The following ABL1 variants were observed in gnomAD, a reference collection of about 807,000 sequenced individuals.
ABL1 encodes the protein tyrosine-protein kinase ABL1.
In ABL1, 11 loss-of-function variants were observed where a neutral mutation model predicts 94.7. That is an observed-to-expected ratio of 0.12 (90% CI 0.07 to 0.19). The LOEUF (loss-of-function observed/expected upper bound fraction) is 0.19. Ranked by LOEUF, ABL1 falls within the 10% of genes least tolerant of loss-of-function variation. The probability of loss-of-function intolerance (pLI) is 1.00; values close to 1 mark genes in which losing one functional copy is unlikely to be tolerated. For synonymous variants in ABL1, 656 were observed against 622.4 expected (o/e 1.05, Z -0.80); for missense variants, 1,082 against 1,489.4 (o/e 0.73, Z 4.50).
intron 1 of ABL1, among the ~76,000 whole-genome samples, chr9:130,811,911 C>CAAA (rs1203330162): frequency 0.027 from 497 of 18,548 alleles, 44 homozygotes; most frequent in Admixed American, 0.049. Context: ...GACTCCGTCT[C>CAAA]AAAAAAAAAA....
At chr9:130,735,302 A>G (rs1178722642) in intron 1 of ABL1, among the ~76,000 whole-genome samples, 1 of 152,118 alleles carries the variant, frequency 6.6e-6, no homozygotes, top group Admixed American at 6.6e-5. Flanking sequence ...AGTGCTGGGA[A>G]TACAGGTATG....
rs10607745 is a variant in ABL1, at chr9:130,796,920, CAA to C, written c.137-57124_137-57123del. On this transcript the variant is annotated intron_variant, in intron 1 of 10. Transcript: ENST00000372348. ...GGGCAACAAGAGCGAAACTTCATCTCAAAAAAAAAAAAAAAAAAAAAGGCACT... is the reference window on the plus strand; with the variant it reads ...GGGCAACAAGAGCGAAACTTCATCTCAAAAAAAAAAAAAAAAAAAGGCACT... Among the ~76,000 whole-genome samples, 489 of 60,732 alleles carry C rather than the reference CAA, an allele frequency of 8.1e-3. 5 individuals are homozygous for C. Among genetic ancestry groups the C allele is most frequent in the Middle Eastern group, 0.041 (3 of 74 alleles). The allele number at this position is 60,732 out of a possible 152,430, so 39.8% of individuals were successfully genotyped here. A position where few individuals can be genotyped will look rare whatever the true frequency, so the allele number is the denominator to read the frequency against.
rs144604223 is a variant in ABL1 at position 130,885,820 on chromosome 9, G to C, written c.*137G>C. 3.1e-4 allele frequency: 374 copies of C among 1,214,510 alleles called. 1 individual carries two copies. The African/African-American group carries it at 5.4e-3, about 18-fold the overall frequency. The allele number at this position is 1,214,510 out of a possible 1,614,324, so 75.2% of individuals were successfully genotyped here. On this transcript the variant is annotated 3_prime_UTR_variant, in exon 11 of 11. Transcript: ENST00000318560. ...CAGGAGCTCTGCGCCAGGCAGAGCT[G>C]AGGGCCCTGTGGAGTCCAGCTCTAC...
chr9:130,743,606 T>G (rs185450949), intron 1 of ABL1, among the ~76,000 whole-genome samples: 63 of 152,150 alleles, frequency 4.1e-4, no homozygotes, highest in Non-Finnish European at 8.4e-4. Context: ...GCAGAAGTAT[T>G]TTTATTACTT....
intron 1 of ABL1, among the ~76,000 whole-genome samples, chr9:130,733,440 A>AT (rs978829264): frequency 1.4e-4 from 21 of 150,984 alleles, no homozygotes; most frequent in African/African-American, 2.2e-4. Flanking sequence ...TTAAAAAAAA[A>AT]TTTTTTTTTC....
chr9:130,829,535 C>T (rs1220092036), intron 1 of ABL1, among the ~76,000 whole-genome samples: 2 of 148,838 alleles, frequency 1.3e-5, no homozygotes, highest in Non-Finnish European at 3.0e-5. Flanking sequence ...ACTGCACTCC[C>T]GCCTGGGTGA....
At chr9:130,858,564 G>A (rs541227765) in intron 3 of ABL1, among the ~76,000 whole-genome samples, 6 of 152,284 alleles carry the variant, frequency 3.9e-5, no homozygotes, top group East Asian at 3.9e-4. Flanking sequence ...GGCCGCACTC[G>A]AGGGGGTGTA....
intron 1 of ABL1, among the ~76,000 whole-genome samples, chr9:130,785,008 C>T (rs998120268): frequency 3.3e-5 from 5 of 152,220 alleles, no homozygotes; most frequent in Admixed American, 2.6e-4. Context: ...GACCAGTCTA[C>T]CCTCTCCCCA....
At chr9:130,826,430 A>G (rs144734233) in intron 1 of ABL1, among the ~76,000 whole-genome samples, 27 of 152,206 alleles carry the variant, frequency 1.8e-4, no homozygotes, top group African/African-American at 6.3e-4. Flanking sequence ...CAAAATATAT[A>G]TATACATATT....
chr9:130,757,705 AT>A (rs565491566), intron 1 of ABL1, among the ~76,000 whole-genome samples: 12 of 150,902 alleles, frequency 8.0e-5, no homozygotes, highest in Non-Finnish European at 1.0e-4. Flanking sequence ...CGCCCGGCTA[AT>A]TTTTTTTGTA....
At chr9:130,747,337 C>T (rs1240911227) in intron 1 of ABL1, among the ~76,000 whole-genome samples, 2 of 152,008 alleles carry the variant, frequency 1.3e-5, no homozygotes, top group Non-Finnish European at 2.9e-5. Flanking sequence ...AAGATTGCAC[C>T]ACTGTGCTCC....
At chr9:130,797,668 T>A (rs1025724437) in intron 1 of ABL1, among the ~76,000 whole-genome samples, 1 of 152,208 alleles carries the variant, frequency 6.6e-6, no homozygotes, top group Non-Finnish European at 1.5e-5. Context: ...CACGCCTGGC[T>A]TCCGTATTTA....
intron 1 of ABL1, among the ~76,000 whole-genome samples, chr9:130,807,094 G>A (rs1301205271): frequency 1.3e-5 from 2 of 152,038 alleles, no homozygotes; most frequent in Non-Finnish European, 2.9e-5. Context: ...AGGTTGCAGT[G>A]AGCCGAGATC....
At chr9:130,715,426 C>G (rs1030321366) in intron 1 of ABL1, among the ~76,000 whole-genome samples, 1 of 152,194 alleles carries the variant, frequency 6.6e-6, no homozygotes, top group Non-Finnish European at 1.5e-5. Flanking sequence ...CATTGGGTGA[C>G]TGCAGTCAAC....
At chr9:130,807,549 A>C (rs1448218653) in intron 1 of ABL1, among the ~76,000 whole-genome samples, 2 of 151,698 alleles carry the variant, frequency 1.3e-5, no homozygotes, top group African/African-American at 2.4e-5. Flanking sequence ...CTTCTAATAG[A>C]ATTTTTAAAA....
In ABL1 at chr9:130,750,640, CTTTCTTTTTTT is replaced by C. The variant is rs1327052264; in HGVS notation, c.136+36189_136+36199del. On this transcript the variant is annotated intron_variant, in intron 1 of 10. Transcript: ENST00000372348. ...ATGGTTCTTTTTCTTTTTTCTTTTTCTTTCTTTTTTTTTTTTTTTTTTTTGAGACAGAGTCT... is the reference window on the plus strand; with the variant it reads ...ATGGTTCTTTTTCTTTTTTCTTTTTCTTTTTTTTTTTTTGAGACAGAGTCT... Among the ~76,000 whole-genome samples, 3 of 105,084 alleles carry C rather than the reference CTTTCTTTTTTT, an allele frequency of 2.9e-5. No homozygotes were observed. The Admixed American group carries it at 3.2e-4, about 11-fold the overall frequency. The allele number at this position is 105,084 out of a possible 152,430, so 68.9% of individuals were successfully genotyped here. A position where few individuals can be genotyped will look rare whatever the true frequency, so the allele number is the denominator to read the frequency against.
exon 1 of ABL1, chr9:130,714,365 A>G (rs1406577029): frequency 6.2e-7 from 1 of 1,613,710 alleles, no homozygotes; most frequent in Non-Finnish European, 8.5e-7. Flanking sequence ...AAGAAGGCCA[A>G]GCTTGCCTGC....
chr9:130,836,824 C>CA (rs565723193), intron 1 of ABL1, among the ~76,000 whole-genome samples: 1,551 of 76,576 alleles, frequency 0.02, 29 homozygotes, highest in East Asian at 0.059. Flanking sequence ...GACTCGGTCT[C>CA]AAAAAAAAAA....
chr9:130,883,327 G>A (rs760083992), intron 10 of ABL1, among the ~76,000 whole-genome samples: 16 of 152,182 alleles, frequency 1.1e-4, no homozygotes, highest in Admixed American at 4.6e-4. Context: ...GTGAAACCCC[G>A]TCTCTACTAA....
Sources: gnomAD v4.1 joint callset for allele counts (sites outside exome capture counted in the v4.1 genomes callset) on GRCh38, gnomAD v4.1.1 for gene constraint, MANE v1.5 for transcripts, NCBI Gene and HGNC (gene_info 2026-07-23, HGNC 2026-07-21) for gene names.